DLC1: variants seen among roughly 807,000 people sequenced by gnomAD.
DLC1 encodes the protein DLC1 Rho GTPase activating protein.
Under a neutral mutation model 140.3 loss-of-function variants are expected in DLC1, and 54 were observed. That is an observed-to-expected ratio of 0.38 (90% CI 0.31 to 0.48). The LOEUF is 0.48. DLC1 is among the 20% of genes least tolerant of loss of function. The pLI is 0.96. For synonymous variants in DLC1, 986 were observed against 728.1 expected (o/e 1.35, Z -5.70); for missense variants, 2,536 against 1,907.0 (o/e 1.33, Z -6.14).
chr8:13,225,381 C>G (rs1206582083), intron 5 of DLC1, among the ~76,000 whole-genome samples: 1 of 152,122 alleles, frequency 6.6e-6, no homozygotes, highest in African/African-American at 2.4e-5. Flanking sequence ...ATGTGAACAA[C>G]CGGTTGGCAC....
chr8:13,379,501 A>G (rs1836157432), intron 4 of DLC1, among the ~76,000 whole-genome samples: 1 of 152,238 alleles, frequency 6.6e-6, no homozygotes, highest in South Asian at 2.1e-4. Flanking sequence ...CCTATTTTGT[A>G]AGTGTCGAAT....
At chr8:13,575,960 C>A (rs1585292587) in intron 1 of DLC1, among the ~76,000 whole-genome samples, 1 of 152,162 alleles carries the variant, frequency 6.6e-6, no homozygotes, top group Non-Finnish European at 1.5e-5. Context: ...CTCAAAGGAG[C>A]AAATCTTGGA....
chr8:13,157,922 T>A (rs1824375834), intron 5 of DLC1, among the ~76,000 whole-genome samples: 1 of 152,238 alleles, frequency 6.6e-6, no homozygotes, highest in Admixed American at 6.5e-5. Context: ...GAAAACTTAC[T>A]CATTTAGTTT....
At chr8:13,497,093 C>A (rs1349070924) in intron 2 of DLC1, among the ~76,000 whole-genome samples, 1 of 152,108 alleles carries the variant, frequency 6.6e-6, no homozygotes, top group Non-Finnish European at 1.5e-5. Context: ...AGACACCGCG[C>A]CTGGCCTAAA....
intron 4 of DLC1, among the ~76,000 whole-genome samples, chr8:13,376,010 G>A (rs1357475407): frequency 1.3e-5 from 2 of 152,072 alleles, no homozygotes; most frequent in Non-Finnish European, 1.5e-5. Context: ...TCACATGCAC[G>A]AACCGAAAAG....
chr8:13,122,832 G>C (rs1342951894), intron 5 of DLC1, among the ~76,000 whole-genome samples: 1 of 150,622 alleles, frequency 6.6e-6, no homozygotes, highest in Non-Finnish European at 1.5e-5. Context: ...GAAGCTTCTG[G>C]GAGACTGGTC....
chr8:13,377,924 A>C (rs1367244448), intron 4 of DLC1, among the ~76,000 whole-genome samples: 1 of 151,676 alleles, frequency 6.6e-6, no homozygotes, highest in Non-Finnish European at 1.5e-5. Flanking sequence ...ACAGGAAAAC[A>C]AAAAGCAAGG....
At chr8:13,195,205 A>T (rs902515133) in intron 5 of DLC1, among the ~76,000 whole-genome samples, 3 of 152,200 alleles carry the variant, frequency 2.0e-5, no homozygotes, top group African/African-American at 7.2e-5. Context: ...TTTGGGTTCT[A>T]ATCCCAAATT....
At chr8:13,181,906 C>T (rs1467320843) in intron 5 of DLC1, among the ~76,000 whole-genome samples, 1 of 152,154 alleles carries the variant, frequency 6.6e-6, no homozygotes, top group South Asian at 2.1e-4. Flanking sequence ...CTCGAGGAAT[C>T]ACCACACCAT....
chr8:13,140,804 A>C (rs146037491), intron 5 of DLC1, among the ~76,000 whole-genome samples: 2 of 152,288 alleles, frequency 1.3e-5, no homozygotes, highest in African/African-American at 2.4e-5. Flanking sequence ...GAAGACACAA[A>C]TTTAATTTAC....
rs189417295 is a variant in DLC1, at chr8:13,492,364, T to C, written c.1023+6685A>G. On this transcript the variant is annotated intron_variant, in intron 2 of 17. Coordinates refer to ENST00000276297, the MANE Select transcript of DLC1 (RefSeq NM_182643.3). ...TGATAACCACATCATCCTGTTGAAATTGAATCTGATTCCAGCCTGCTACAT... is the reference window on the plus strand; with the variant it reads ...TGATAACCACATCATCCTGTTGAAACTGAATCTGATTCCAGCCTGCTACAT... Among the ~76,000 whole-genome samples, 5 of 152,264 alleles carry C rather than the reference T, an allele frequency of 3.3e-5. No individual in the cohort carries two copies. The East Asian group carries it at 9.7e-4, about 30-fold the overall frequency.
At chr8:13,396,669 C>G (rs548365088) in intron 3 of DLC1, among the ~76,000 whole-genome samples, 3 of 152,262 alleles carry the variant, frequency 2.0e-5, no homozygotes, top group South Asian at 4.1e-4. Flanking sequence ...CAGAATCCAA[C>G]TTTTTAAAGT....
intron 5 of DLC1, among the ~76,000 whole-genome samples, chr8:13,143,848 G>GAGAGAC (rs1554584132): frequency 6.8e-6 from 1 of 147,816 alleles, no homozygotes; most frequent in African/African-American, 2.5e-5. Flanking sequence ...GAGAGAGAGA[G>GAGAGAC]AGAGACATAG....
intron 5 of DLC1, among the ~76,000 whole-genome samples, chr8:13,266,281 G>A (rs753586036): frequency 3.3e-5 from 5 of 152,186 alleles, no homozygotes; most frequent in Non-Finnish European, 5.9e-5. Flanking sequence ...AAGCATTCTG[G>A]GTTGTGATGT....
chr8:13,277,476 T>A lies in DLC1; in HGVS notation c.1348+27793A>T, dbSNP rs574331567. Among the ~76,000 whole-genome samples, 141 of 152,354 alleles carry A rather than the reference T, an allele frequency of 9.3e-4. 2 individuals are homozygous for A. The highest frequency in any genetic ancestry group is 6.8e-3 in the Middle Eastern group (2 of 294). ...CAAATATCCCCTGATTTTATGAATC[T>A]TCTAGTTCCAAGTAAGTGAACTTCC... On this transcript the variant is annotated intron_variant, in intron 5 of 17. Transcript: ENST00000276297.
chr8:13,486,734 G>GTCTA, intron 2 of DLC1, among the ~76,000 whole-genome samples: 1 of 151,960 alleles, frequency 6.6e-6, no homozygotes, highest in Non-Finnish European at 1.5e-5. Context: ...CACCTAGCAT[G>GTCTA]GTCCACTGAG....
At chr8:13,179,020 A>G (rs981533143) in intron 5 of DLC1, among the ~76,000 whole-genome samples, 2 of 152,240 alleles carry the variant, frequency 1.3e-5, no homozygotes, top group South Asian at 2.1e-4. Context: ...TGAAAATGAT[A>G]CAAATGCCCA....
chr8:13,468,811 C>CTTTTT lies in DLC1; in HGVS notation c.1023+30233_1023+30237dup, dbSNP rs78775803. Among the ~76,000 whole-genome samples the CTTTTT allele has an allele frequency of 3.5e-3, 315 of 89,950 alleles. 16 individuals carry two copies. The highest frequency in any genetic ancestry group is 0.01 in the East Asian group (25 of 2,398). 59.0% of individuals were successfully genotyped at this position (89,950 alleles called of 152,430 possible). A position where few individuals can be genotyped will look rare whatever the true frequency, so the allele number is the denominator to read the frequency against. Reference sequence around the variant, plus strand: ...GTTGATTCTCCCAATTTTATGTCTGCTTTTTTTTTTTTTTTTTTTTTTTTT... The same window carrying CTTTTT: ...GTTGATTCTCCCAATTTTATGTCTGCTTTTTTTTTTTTTTTTTTTTTTTTTTTTTT... On this transcript the variant is annotated intron_variant, in intron 2 of 17. Transcript: ENST00000276297.
chr8:13,392,422 T>G (rs553757559), intron 4 of DLC1, among the ~76,000 whole-genome samples: 2 of 152,306 alleles, frequency 1.3e-5, no homozygotes, highest in East Asian at 3.9e-4. Context: ...ATTTAAGCCA[T>G]GCGTATCTGT....
Sources: gnomAD v4.1 joint callset for allele counts (sites outside exome capture counted in the v4.1 genomes callset) on GRCh38, gnomAD v4.1.1 for gene constraint, MANE v1.5 for transcripts, NCBI Gene and HGNC (gene_info 2026-07-23, HGNC 2026-07-21) for gene names.